The following ITGAV variants were observed in gnomAD, a reference collection of about 807,000 sequenced individuals.
The protein encoded by ITGAV is integrin subunit alpha V, also known as integrin alpha-V.
A neutral mutation model predicts 143.8 loss-of-function variants in ITGAV; 76 were observed. That is an observed-to-expected ratio of 0.53 (90% CI 0.44 to 0.64). The LOEUF (loss-of-function observed/expected upper bound fraction) is 0.64, where lower values mean the gene tolerates loss of function less well. Ranked by LOEUF, ITGAV falls within the 30% of genes least tolerant of loss-of-function variation. ITGAV has a pLI of 0.00. For missense variants in ITGAV, 1,193 were observed against 1,274.7 expected, an observed-to-expected ratio of 0.94 and a Z score of 0.98; for synonymous variants, 453 against 446.7, an observed-to-expected ratio of 1.01 and a Z score of -0.18.
At chr2:186,644,726 C>CCAGGCA (rs1165479668) in intron 12 of ITGAV, among the ~76,000 whole-genome samples, 1 of 151,858 alleles carries the variant, frequency 6.6e-6, no homozygotes, top group Non-Finnish European at 1.5e-5. Flanking sequence ...TTACTGCAGG[C>CCAGGCA]CAGGCACTCT....
At chr2:186,669,586 A>T in intron 25 of ITGAV, 115 bp from the exon 26 acceptor site, 1 of 690,824 alleles carries the variant, frequency 1.4e-6, no homozygotes, top group Non-Finnish European at 2.5e-6. Context: ...ATATTCTGTC[A>T]TACTAAATTT....
rs1046123394 is a variant in ITGAV, at chr2:186,634,042, A to T, written c.631+668A>T. ...CACTCTCTCTCAAAAAATATATATA[A>T]AATAAAATAAAATTGGAGGATCTTA... On this transcript the variant is annotated intron_variant, in intron 6 of 29. Coordinates refer to ENST00000261023, the MANE Select transcript of ITGAV (RefSeq NM_002210.5). Among the ~76,000 whole-genome samples the T allele has an allele frequency of 4.6e-5, 7 of 152,128 alleles. No individual in the cohort carries two copies. The South Asian group carries it at 1.5e-3, about 32-fold the overall frequency.
At chr2:186,595,447 T>C (rs1686724556) in intron 1 of ITGAV, among the ~76,000 whole-genome samples, 1 of 152,192 alleles carries the variant, frequency 6.6e-6, no homozygotes, top group Admixed American at 6.5e-5. Context: ...GAGCCTCTTG[T>C]CTGTCTCCCT....
chr2:186,610,729 G>C (rs1687193286), intron 2 of ITGAV, among the ~76,000 whole-genome samples: 1 of 152,136 alleles, frequency 6.6e-6, no homozygotes, highest in Non-Finnish European at 1.5e-5. Flanking sequence ...TGATTTCTTT[G>C]TTTTAGTCTA....
intron 2 of ITGAV, among the ~76,000 whole-genome samples, chr2:186,610,420 T>A (rs1687184451): frequency 6.6e-6 from 1 of 152,202 alleles, no homozygotes; most frequent in Non-Finnish European, 1.5e-5. Context: ...TTTATTTTTC[T>A]TTTTCCCCCA....
intron 2 of ITGAV, among the ~76,000 whole-genome samples, chr2:186,621,711 T>C (rs1215284420): frequency 6.6e-6 from 1 of 152,230 alleles, no homozygotes; most frequent in African/African-American, 2.4e-5. Flanking sequence ...TTGGTAAGAA[T>C]ATAGTGATGT....
intron 8 of ITGAV, 73 bp downstream of exon 8, chr2:186,637,182 A>G (rs549994404): frequency 7.4e-7 from 1 of 1,354,140 alleles, no homozygotes; most frequent in African/African-American, 1.4e-5. Context: ...GGCATTGAAA[A>G]TTTTAAGCAG....
At chr2:186,638,570 A>G in intron 10 of ITGAV, 105 bp downstream of exon 10, 1 of 795,332 alleles carries the variant, frequency 1.3e-6, no homozygotes, top group Non-Finnish European at 2.1e-6. Context: ...TAATCTCATC[A>G]AATAGATAAT....
chr2:186,667,581 TA>T, intron 23 of ITGAV, 89 bp from the exon 24 acceptor site: 1 of 588,958 alleles, frequency 1.7e-6, no homozygotes, highest in South Asian at 3.6e-5. Context: ...TAATTTTATT[TA>T]TTTGAGTAAT....
In ITGAV at chr2:186,677,200, G is replaced by A. The variant is rs1484848462; in HGVS notation, c.3055G>A (p.Gly1019Ser). The A allele has an allele frequency of 1.2e-6, 2 of 1,613,364 alleles. No homozygotes were observed. Among genetic ancestry groups the A allele is most frequent in the East Asian group, 4.5e-5 (2 of 44,844 alleles). ...AVLVFVMYRM[G>S]FFKRVRPPQE... is the part of the protein sequence containing the mutation. ...ATGGTTTTTCTTCAACTGACAGATG[G>A]GCTTTTTTAAACGGGTCCGGCCACC... The change falls in exon 30 of 30, where the codon GGC becomes AGC. Residue 1019 changes from glycine to serine, a missense_variant. By Grantham distance (56) the Gly-to-Ser change is moderately conservative. Coordinates refer to ENST00000261023, the MANE Select transcript of ITGAV (RefSeq NM_002210.5).
intron 16 of ITGAV, among the ~76,000 whole-genome samples, chr2:186,655,625 C>T (rs1297254624): frequency 6.6e-6 from 1 of 152,186 alleles, no homozygotes. Flanking sequence ...TAAAGATTTG[C>T]ACTCTCTTAA....
At chr2:186,652,367 T>G (rs1046219104) in intron 15 of ITGAV, among the ~76,000 whole-genome samples, 2 of 152,150 alleles carry the variant, frequency 1.3e-5, no homozygotes, top group Admixed American at 6.5e-5. Flanking sequence ...TTTTTTAAAT[T>G]TTTTTAGAGA....
chr2:186,646,907 A>T (rs1027477660), intron 13 of ITGAV, 30 bp downstream of exon 13: 2 of 1,439,876 alleles, frequency 1.4e-6, no homozygotes, highest in Admixed American at 4.5e-5. Flanking sequence ...TAGAGCCCTT[A>T]GATTTTTCAG....
Position 186,667,842 on chromosome 2 carries a change from T to C in ITGAV, c.2433+66T>C, listed in dbSNP as rs375388727. ...CCAACGAAGAGAGGAACAACTAAGC[T>C]ACTTTAAAAAAAAAATTCTATGTAA... On this transcript the variant is annotated intron_variant, in intron 24 of 29. Coordinates refer to ENST00000261023, the MANE Select transcript of ITGAV (RefSeq NM_002210.5). 6.6e-6 allele frequency: 6 copies of C among 910,888 alleles called. No individual in the cohort carries two copies. The East Asian group carries it at 1.0e-4, about 15-fold the overall frequency. 56.4% of individuals were successfully genotyped at this position (910,888 alleles called of 1,614,324 possible).
In ITGAV at chr2:186,669,802, T is replaced by C; in HGVS notation, c.2694T>C (p.Asp898=). The stretch of plus-strand genomic sequence containing the variant: ...GGGATCTTGCCCTCAGTGAAGGAGA[T>C]ATTCACACTTTGGTAAGTGCCATTT... ...TKRDLALSEG[D]IHTLGCGVAQ... Residue 898 remains aspartate, a synonymous_variant, in exon 26 of 30, where the codon GAT becomes GAC. Coordinates refer to ENST00000261023, the MANE Select transcript of ITGAV (RefSeq NM_002210.5). 1 of 1,610,930 alleles carries C rather than the reference T, an allele frequency of 6.2e-7. No homozygotes were observed. The highest frequency in any genetic ancestry group is 8.5e-7 in the Non-Finnish European group (1 of 1,177,224).
At chr2:186,673,622 G>C (rs76883004) in intron 26 of ITGAV, among the ~76,000 whole-genome samples, 3 of 151,878 alleles carry the variant, frequency 2.0e-5, no homozygotes, top group Non-Finnish European at 4.4e-5. Flanking sequence ...TTGATTATGT[G>C]ATTTCTGTGT....
intron 1 of ITGAV, among the ~76,000 whole-genome samples, chr2:186,592,886 A>AAAACGTAT (rs1686653289): frequency 6.6e-6 from 1 of 152,174 alleles, no homozygotes; most frequent in Non-Finnish European, 1.5e-5. Context: ...CTTTTTAAAC[A>AAAACGTAT]AAACGTATAT....
At position 186,669,393 on chromosome 2, in the gene ITGAV, C is replaced by A. The variant is rs553889851; in HGVS notation, c.2593-308C>A. Among the ~76,000 whole-genome samples, 16 of 152,226 alleles carry A rather than the reference C, an allele frequency of 1.1e-4. No homozygotes were observed. The South Asian group carries it at 3.1e-3, about 30-fold the overall frequency. On this transcript the variant is annotated intron_variant, in intron 25 of 29. Transcript: ENST00000261023. ...GTGAAGAAACAAAATAAAAGATATA[C>A]CCATGATTGACATCACAAATGTACT...
chr2:186,668,991 A>T, intron 25 of ITGAV, 71 bp downstream of exon 25: 1 of 1,331,346 alleles, frequency 7.5e-7, no homozygotes. Context: ...TGTAAAAGAA[A>T]TTCATAAAAT....
Sources: gnomAD v4.1 joint callset for allele counts (sites outside exome capture counted in the v4.1 genomes callset) on GRCh38, gnomAD v4.1.1 for gene constraint, MANE v1.5 for transcripts, NCBI Gene and HGNC (gene_info 2026-07-23, HGNC 2026-07-21) for gene names.